Variants in ASTN2 observed in about 807,000 individuals in gnomAD.
The protein encoded by ASTN2 is astrotactin 2, also known as astrotactin-2.
In ASTN2, 54 loss-of-function variants were observed where a neutral mutation model predicts 139.8. The ratio of observed to expected loss-of-function variants is 0.39; its 90% confidence interval spans 0.31 to 0.48. ASTN2 has a LOEUF of 0.48. ASTN2 is among the 20% of genes least tolerant of loss of function. The pLI, the probability that ASTN2 is intolerant of heterozygous loss-of-function variation, is 0.95. For missense variants in ASTN2, 1,565 were observed against 1,725.1 expected (o/e 0.91, Z 1.64); for synonymous variants, 756 against 719.5 (o/e 1.05, Z -0.81).
intron 11 of ASTN2, among the ~76,000 whole-genome samples, chr9:116,830,790 T>C (rs1831788201): frequency 1.1e-5 from 1 of 91,016 alleles, no homozygotes; most frequent in East Asian, 4.2e-4. Context: ...AGACCCTATG[T>C]CAAAAAAAAA....
At chr9:117,185,664 AAAG>A (rs1465475616) in intron 3 of ASTN2, among the ~76,000 whole-genome samples, 1 of 152,178 alleles carries the variant, frequency 6.6e-6, no homozygotes, top group African/African-American at 2.4e-5. Flanking sequence ...GAGTGCTTGA[AAAG>A]AAGGCATGAG....
At chr9:116,841,099 A>G (rs1390724974) in intron 11 of ASTN2, among the ~76,000 whole-genome samples, 1 of 152,238 alleles carries the variant, frequency 6.6e-6, no homozygotes, top group Non-Finnish European at 1.5e-5. Context: ...TGAGCACTGA[A>G]TGAACGAGAC....
chr9:116,601,101 T>C (rs1328128357), intron 19 of ASTN2, among the ~76,000 whole-genome samples: 1 of 152,192 alleles, frequency 6.6e-6, no homozygotes, highest in Non-Finnish European at 1.5e-5. Flanking sequence ...TAGTATAGAA[T>C]GCTAAAAGTT....
chr9:116,617,753 C>A (rs1239416290), intron 19 of ASTN2, among the ~76,000 whole-genome samples: 3 of 152,208 alleles, frequency 2.0e-5, no homozygotes, highest in Admixed American at 6.5e-5. Flanking sequence ...AGCCCCAGTA[C>A]AGATCACAGG....
At position 117,291,383 on chromosome 9, in the gene ASTN2, G is replaced by A. The variant is rs1834587648; in HGVS notation, c.573C>T (p.Leu191=). ...GQLAQATAPT[L]QEPSEIVEEQ... is the part of the protein sequence containing the mutation. ...CCTCAACAATCTCCGAGGGCTCCTG[G>A]AGAGTGGGGGCGGTGGCTTGGGCCA... Residue 191 remains leucine (L), a synonymous_variant, in exon 2 of 23, where the codon CTC becomes CTT. Coordinates refer to ENST00000313400, the MANE Select transcript of ASTN2 (RefSeq NM_001365068.1). 1 of 1,614,116 alleles carries A rather than the reference G, an allele frequency of 6.2e-7. No individual in the cohort carries two copies. Among genetic ancestry groups the A allele is most frequent in the African/African-American group, 1.3e-5 (1 of 74,956 alleles).
chr9:116,641,047 T>C (rs1857302904), intron 17 of ASTN2, among the ~76,000 whole-genome samples: 1 of 152,046 alleles, frequency 6.6e-6, no homozygotes, highest in South Asian at 2.1e-4. Flanking sequence ...AAATAGAAAA[T>C]ACTGTCAGAA....
chr9:116,689,402 T>C (rs1460645521), intron 16 of ASTN2, among the ~76,000 whole-genome samples: 2 of 152,220 alleles, frequency 1.3e-5, no homozygotes, highest in African/African-American at 4.8e-5. Context: ...TAGTAAGTTC[T>C]CAAAATCTAG....
intron 5 of ASTN2, among the ~76,000 whole-genome samples, chr9:117,050,127 A>G (rs553942735): frequency 2.0e-5 from 3 of 152,266 alleles, no homozygotes; most frequent in Admixed American, 6.5e-5. Context: ...GCACCACCAC[A>G]TTCAGCCCAC....
In ASTN2 at chr9:116,705,685, A is replaced by G. The variant is rs1267654032; in HGVS notation, c.2806+20086T>C. Among the ~76,000 whole-genome samples, 12 of 149,986 alleles carry G rather than the reference A, an allele frequency of 8.0e-5. No individual in the cohort carries two copies. The Admixed American group carries it at 8.1e-4, about 10-fold the overall frequency. ...AAAGAAAATCAGTCATGAATTTTGTAGTCAAGTAGCTTGTGGTCTGGCTGC... is the reference window on the plus strand; with the variant it reads ...AAAGAAAATCAGTCATGAATTTTGTGGTCAAGTAGCTTGTGGTCTGGCTGC... On this transcript the variant is annotated intron_variant, in intron 16 of 22. Transcript: ENST00000313400.
chr9:116,751,301 G>T (rs961755113), intron 13 of ASTN2, among the ~76,000 whole-genome samples: 2 of 152,202 alleles, frequency 1.3e-5, no homozygotes, highest in Admixed American at 6.5e-5. Flanking sequence ...ATATTTGCCT[G>T]TGTGGTAGTT....
intron 1 of ASTN2, among the ~76,000 whole-genome samples, chr9:117,318,634 C>T (rs1828223397): frequency 6.6e-6 from 1 of 152,112 alleles, no homozygotes; most frequent in South Asian, 2.1e-4. Flanking sequence ...GACACTCTCA[C>T]AGTCAGACTC....
chr9:116,815,533 C>T (rs992285527), intron 12 of ASTN2, among the ~76,000 whole-genome samples: 9 of 152,044 alleles, frequency 5.9e-5, no homozygotes, highest in Middle Eastern at 3.4e-3. Flanking sequence ...AGGCCGGGCG[C>T]GGTGGCTCAC....
chr9:117,170,757 G>A (rs933808399), intron 3 of ASTN2, among the ~76,000 whole-genome samples: 1 of 152,060 alleles, frequency 6.6e-6, no homozygotes, highest in Admixed American at 6.6e-5. Flanking sequence ...AAGCAGGCTT[G>A]GCCGTATCCC....
intron 13 of ASTN2, among the ~76,000 whole-genome samples, chr9:116,775,775 A>ATGGAGGGAAGG: frequency 8.7e-6 from 1 of 115,274 alleles, no homozygotes; most frequent in South Asian, 3.8e-4. Context: ...GGAAAGGGGG[A>ATGGAGGGAAGG]AGGAGGGAAG....
At chr9:117,368,497 A>G (rs1474359180) in intron 1 of ASTN2, among the ~76,000 whole-genome samples, 2 of 152,202 alleles carry the variant, frequency 1.3e-5, no homozygotes, top group African/African-American at 4.8e-5. Flanking sequence ...TTTGAGTAGG[A>G]TAAGCATAGA....
At chr9:116,837,243 A>G (rs1458046420) in intron 11 of ASTN2, among the ~76,000 whole-genome samples, 2 of 152,118 alleles carry the variant, frequency 1.3e-5, no homozygotes, top group Non-Finnish European at 2.9e-5. Flanking sequence ...TAGCATGTGG[A>G]GGCGTGCCTC....
At chr9:116,803,545 G>T (rs146111178) in intron 13 of ASTN2, among the ~76,000 whole-genome samples, 5 of 76,012 alleles carry the variant, frequency 6.6e-5, no homozygotes, top group Admixed American at 1.4e-4. Flanking sequence ...TTTTTTTTTA[G>T]ACGGAGTCTC....
chr9:117,033,375 T>C (rs1321629079), intron 6 of ASTN2, among the ~76,000 whole-genome samples: 5 of 152,144 alleles, frequency 3.3e-5, no homozygotes, highest in Non-Finnish European at 7.4e-5. Flanking sequence ...ATATAATTTA[T>C]TGAACCATTA....
intron 3 of ASTN2, among the ~76,000 whole-genome samples, chr9:117,166,483 G>T (rs1488274868): frequency 6.6e-6 from 1 of 152,190 alleles, no homozygotes; most frequent in African/African-American, 2.4e-5. Flanking sequence ...TGCAAGGAAG[G>T]CCCTTTACAG....
Sources: allele counts gnomAD v4.1 joint callset (sites outside exome capture counted in the v4.1 genomes callset), GRCh38; gene constraint gnomAD v4.1.1; transcripts MANE v1.5; gene names NCBI Gene and HGNC (gene_info 2026-07-23, HGNC 2026-07-21).